Variants in CDH8 observed in about 807,000 individuals in gnomAD.
CDH8 encodes cadherin-8.
A neutral mutation model predicts 68.1 loss-of-function variants in CDH8; 17 were observed. That is an observed-to-expected ratio of 0.25 (90% CI 0.17 to 0.37). The LOEUF is 0.37. Ranked by LOEUF, CDH8 falls within the 10% of genes least tolerant of loss-of-function variation. CDH8 has a pLI of 1.00. For missense variants in CDH8, 763 were observed against 999.3 expected (o/e 0.76, Z 3.19); for synonymous variants, 372 against 365.1 (o/e 1.02, Z -0.21).
At chr16:61,764,187 G>T (rs536306541) in intron 8 of CDH8, among the ~76,000 whole-genome samples, 3 of 152,040 alleles carry the variant, frequency 2.0e-5, no homozygotes, top group Non-Finnish European at 4.4e-5. Context: ...CTGAAACTCA[G>T]AAACAGGAAA....
chr16:61,955,073 A>G (rs894611736), intron 2 of CDH8, among the ~76,000 whole-genome samples: 2 of 152,354 alleles, frequency 1.3e-5, no homozygotes, highest in South Asian at 4.1e-4. Context: ...TAAATGTGTA[A>G]GAAAAGGATT....
Position 61,652,659 on chromosome 16 carries a change from G to T in CDH8, c.*949C>A. 8.8e-7 allele frequency: 1 copy of T among 1,137,596 alleles called. No individual in the cohort carries two copies. The highest frequency in any genetic ancestry group is 1.1e-6 in the Non-Finnish European group (1 of 897,908). The allele number at this position is 1,137,596 out of a possible 1,614,324, so 70.5% of individuals were successfully genotyped here. ...ATATATTTATATAAAACAATCTAAA[G>T]GATTATTAATGGATATAATTTAGTT... On this transcript the variant is annotated 3_prime_UTR_variant, in exon 12 of 12. Coordinates refer to ENST00000577390, the MANE Select transcript of CDH8 (RefSeq NM_001796.5).
intron 2 of CDH8, among the ~76,000 whole-genome samples, chr16:62,008,941 GCACA>G (rs10530899): frequency 0.51 from 75,976 of 147,698 alleles, 20,448 homozygotes; most frequent in East Asian, 0.71. Flanking sequence ...AATAGGATGT[GCACA>G]CACACACACA....
chr16:61,862,126 A>C (rs1321987101), intron 3 of CDH8, among the ~76,000 whole-genome samples: 1 of 129,854 alleles, frequency 7.7e-6, no homozygotes, highest in Non-Finnish European at 1.6e-5. Context: ...AAACACACAC[A>C]AACACCACTC....
intron 2 of CDH8, among the ~76,000 whole-genome samples, chr16:61,913,494 A>G (rs1012928041): frequency 6.6e-6 from 1 of 152,136 alleles, no homozygotes; most frequent in African/African-American, 2.4e-5. Flanking sequence ...CCAACCTCTC[A>G]TGGATACTGA....
chr16:61,998,900 G>A (rs1722729838), intron 2 of CDH8, among the ~76,000 whole-genome samples: 1 of 151,850 alleles, frequency 6.6e-6, no homozygotes, highest in Admixed American at 6.6e-5. Context: ...CAATACAGAG[G>A]GGAAAAAAAG....
rs577867877 is a variant in CDH8, at chr16:61,856,417, A to G, written c.667+702T>C. ...TGTTAAATTAAAACATTAAAAACAT[A>G]TATCTTCATTTATTAAAAACTTATT... On this transcript the variant is annotated intron_variant, in intron 4 of 11. Transcript: ENST00000577390. 2.6e-5 allele frequency among the ~76,000 whole-genome samples: 4 copies of G among 152,318 alleles called. No individual in the cohort carries two copies. The East Asian group carries it at 5.8e-4, about 22-fold the overall frequency.
chr16:62,014,914 T>TC (rs1245273009), intron 2 of CDH8, among the ~76,000 whole-genome samples: 1 of 151,622 alleles, frequency 6.6e-6, no homozygotes, highest in Non-Finnish European at 1.5e-5. Context: ...GTTTTTTTTT[T>TC]CCCAAAATAA....
intron 8 of CDH8, among the ~76,000 whole-genome samples, chr16:61,788,129 C>G: frequency 6.6e-6 from 1 of 151,362 alleles, no homozygotes; most frequent in African/African-American, 2.4e-5. Flanking sequence ...ACTCTTGAAT[C>G]TTCACTCTTT....
intron 4 of CDH8, among the ~76,000 whole-genome samples, chr16:61,840,197 T>A (rs1231859475): frequency 6.6e-6 from 1 of 152,080 alleles, no homozygotes; most frequent in African/African-American, 2.4e-5. Flanking sequence ...AGCTATTATA[T>A]CCCAGGCACA....
intron 3 of CDH8, among the ~76,000 whole-genome samples, chr16:61,869,609 C>T (rs1282123734): frequency 6.6e-6 from 1 of 152,072 alleles, no homozygotes; most frequent in Non-Finnish European, 1.5e-5. Context: ...ATTTGAAATG[C>T]AACTCAAAGT....
intron 10 of CDH8, among the ~76,000 whole-genome samples, chr16:61,701,231 T>G (rs1482574101): frequency 6.6e-6 from 1 of 152,162 alleles, no homozygotes; most frequent in Non-Finnish European, 1.5e-5. Flanking sequence ...TACTTTGTTC[T>G]CTATGAACAT....
intron 2 of CDH8, among the ~76,000 whole-genome samples, chr16:62,003,783 T>C (rs973604087): frequency 2.6e-5 from 4 of 152,336 alleles, no homozygotes; most frequent in Non-Finnish European, 5.9e-5. Context: ...GACATGTCCA[T>C]CTGTCAATAT....
intron 2 of CDH8, among the ~76,000 whole-genome samples, chr16:61,950,468 G>T (rs938834353): frequency 1.3e-5 from 2 of 152,202 alleles, no homozygotes; most frequent in Non-Finnish European, 2.9e-5. Context: ...CAGAGTAGCA[G>T]AAGGGATGCG....
chr16:61,781,647 T>C (rs1383579363), intron 8 of CDH8, among the ~76,000 whole-genome samples: 1 of 152,188 alleles, frequency 6.6e-6, no homozygotes, highest in African/African-American at 2.4e-5. Flanking sequence ...TTTCAGTATA[T>C]GTGAAAATTC....
intron 8 of CDH8, among the ~76,000 whole-genome samples, chr16:61,770,566 T>G (rs1185100320): frequency 6.6e-6 from 1 of 151,900 alleles, no homozygotes; most frequent in Non-Finnish European, 1.5e-5. Context: ...GATCAACAAG[T>G]TCCTCCTTTG....
rs139871618 is a variant in CDH8, at chr16:61,755,543, T to A, written c.1415-28328A>T. 3.7e-4 allele frequency among the ~76,000 whole-genome samples: 56 copies of A among 152,240 alleles called. No individual in the cohort carries two copies. In the East Asian group the frequency reaches 0.011, roughly 29 times the overall value. On this transcript the variant is annotated intron_variant, in intron 8 of 11. Transcript: ENST00000577390. ...AGGGTGAATTAAACAATTTAAATTG[T>A]CAGTTTCAAGAAAAGTTTACATAAA...
intron 10 of CDH8, among the ~76,000 whole-genome samples, chr16:61,662,491 A>G (rs917807301): frequency 6.6e-6 from 1 of 151,870 alleles, no homozygotes; most frequent in African/African-American, 2.4e-5. Flanking sequence ...ATTATTTTAA[A>G]AAAAGAAATC....
chr16:61,763,127 A>T (rs1960509080), intron 8 of CDH8, among the ~76,000 whole-genome samples: 1 of 152,144 alleles, frequency 6.6e-6, no homozygotes, highest in South Asian at 2.1e-4. Flanking sequence ...GAACAACAGG[A>T]AAGAGTCTTC....
Sources: allele counts gnomAD v4.1 joint callset (sites outside exome capture counted in the v4.1 genomes callset), GRCh38; gene constraint gnomAD v4.1.1; transcripts MANE v1.5; gene names NCBI Gene and HGNC (gene_info 2026-07-23, HGNC 2026-07-21).